The following LRMDA variants were observed in gnomAD, a reference collection of about 807,000 sequenced individuals.
The protein encoded by LRMDA is leucine-rich melanocyte differentiation-associated protein.
LRMDA carries 18 observed loss-of-function variants against 29.8 expected under a neutral mutation model. The ratio of observed to expected loss-of-function variants is 0.60; its 90% confidence interval spans 0.42 to 0.90. The LOEUF (loss-of-function observed/expected upper bound fraction) is 0.90, where lower values mean the gene tolerates loss of function less well. Ranked by LOEUF, LRMDA falls within the 40% of genes least tolerant of loss-of-function variation. The pLI, the probability that LRMDA is intolerant of heterozygous loss-of-function variation, is 0.00. For missense variants in LRMDA, 273 were observed against 273.9 expected (o/e 1.00, Z 0.02); for synonymous variants, 125 against 109.4 (o/e 1.14, Z -0.89).
chr10:75,619,230 G>A lies in LRMDA; in HGVS notation c.131+180736G>A, dbSNP rs375495719. Among the ~76,000 whole-genome samples, 24 of 152,308 alleles carry A rather than the reference G, an allele frequency of 1.6e-4. No individual in the cohort carries two copies. The East Asian group carries it at 4.4e-3, about 28-fold the overall frequency. On this transcript the variant is annotated intron_variant, in intron 2 of 6. Transcript: ENST00000611255. ...TGTTTCAGGGGTGGCAGAGGTGGAA[G>A]AAAATCCATGTACAAGTGGACCCAT...
At chr10:76,249,111 A>G (rs1175252744) in intron 5 of LRMDA, among the ~76,000 whole-genome samples, 2 of 152,184 alleles carry the variant, frequency 1.3e-5, no homozygotes, top group East Asian at 1.9e-4. Context: ...GTGAGAAAGA[A>G]TTATGTAGCA....
intron 2 of LRMDA, among the ~76,000 whole-genome samples, chr10:76,029,316 C>T (rs1053582494): frequency 6.6e-6 from 1 of 152,014 alleles, no homozygotes; most frequent in Non-Finnish European, 1.5e-5. Context: ...AATTAAAAAG[C>T]AGTATATAAA....
At chr10:76,219,377 G>A (rs941257868) in intron 5 of LRMDA, among the ~76,000 whole-genome samples, 11 of 152,054 alleles carry the variant, frequency 7.2e-5, no homozygotes, top group African/African-American at 1.9e-4. Context: ...CCCATCTCAC[G>A]TGCAGAGACA....
chr10:76,438,671 T>C (rs1272822050), intron 6 of LRMDA: 1 of 152,178 alleles, frequency 6.6e-6, no homozygotes, highest in Non-Finnish European at 1.5e-5. Context: ...CCTCTCACAG[T>C]GGTGTCAGTT....
intron 5 of LRMDA, among the ~76,000 whole-genome samples, chr10:76,279,612 C>T (rs1419007137): frequency 7.6e-6 from 1 of 131,380 alleles, no homozygotes; most frequent in African/African-American, 2.9e-5. Flanking sequence ...ATGGCACGAT[C>T]TTGGCTCACT....
intron 2 of LRMDA, among the ~76,000 whole-genome samples, chr10:75,592,084 A>G (rs557914500): frequency 6.6e-6 from 1 of 152,094 alleles, no homozygotes; most frequent in Non-Finnish European, 1.5e-5. Context: ...AGAAAAAGCA[A>G]CCCAGGCAGA....
At chr10:75,568,641 A>G (rs1343869464) in intron 2 of LRMDA, among the ~76,000 whole-genome samples, 1 of 152,170 alleles carries the variant, frequency 6.6e-6, no homozygotes, top group Non-Finnish European at 1.5e-5. Flanking sequence ...GGATCTGAAG[A>G]GGAGGGAGAA....
chr10:75,694,530 T>C (rs1842208175), intron 2 of LRMDA, among the ~76,000 whole-genome samples: 1 of 152,196 alleles, frequency 6.6e-6, no homozygotes, highest in Admixed American at 6.5e-5. Flanking sequence ...GAGCAGCATG[T>C]TGCCAACTTT....
chr10:76,411,087 C>T (rs2132508415), intron 6 of LRMDA, among the ~76,000 whole-genome samples: 1 of 152,240 alleles, frequency 6.6e-6, no homozygotes, highest in African/African-American at 2.4e-5. Flanking sequence ...TTTATTTCAC[C>T]ATCATAATAA....
At chr10:76,194,740 A>G (rs1000052532) in intron 5 of LRMDA, among the ~76,000 whole-genome samples, 5 of 152,218 alleles carry the variant, frequency 3.3e-5, no homozygotes, top group Non-Finnish European at 7.3e-5. Context: ...ACTTGGATGG[A>G]AAGTCCAATA....
At chr10:76,248,751 C>T (rs1852420861) in intron 5 of LRMDA, among the ~76,000 whole-genome samples, 1 of 152,138 alleles carries the variant, frequency 6.6e-6, no homozygotes, top group Non-Finnish European at 1.5e-5. Context: ...ACATCTCTAT[C>T]ACATCTGCCA....
chr10:75,589,937 T>C (rs1840702047), intron 2 of LRMDA, among the ~76,000 whole-genome samples: 1 of 152,082 alleles, frequency 6.6e-6, no homozygotes, highest in African/African-American at 2.4e-5. Context: ...GTTCACATTT[T>C]TGGTTATTCA....
intron 2 of LRMDA, among the ~76,000 whole-genome samples, chr10:75,946,209 C>T (rs1234799127): frequency 1.3e-5 from 2 of 152,222 alleles, no homozygotes; most frequent in African/African-American, 2.4e-5. Flanking sequence ...CAGACAGCTG[C>T]CTGGTGGACT....
At chr10:76,251,274 C>A in intron 5 of LRMDA, among the ~76,000 whole-genome samples, 1 of 107,624 alleles carries the variant, frequency 9.3e-6, no homozygotes, top group Non-Finnish European at 1.8e-5. Context: ...GAGACGGAGT[C>A]TCGCTCTGTC....
chr10:76,210,260 A>T (rs1402696634), intron 5 of LRMDA, among the ~76,000 whole-genome samples: 1 of 152,340 alleles, frequency 6.6e-6, no homozygotes, highest in South Asian at 2.1e-4. Context: ...CCCTGCTACT[A>T]CAACAAGCAG....
chr10:75,688,956 GCA>G (rs1275248850), intron 2 of LRMDA, among the ~76,000 whole-genome samples: 1 of 151,970 alleles, frequency 6.6e-6, no homozygotes, highest in Non-Finnish European at 1.5e-5. Flanking sequence ...TACTGTTATT[GCA>G]CACTTAATAG....
At chr10:76,415,817 G>A (rs1022089213) in intron 6 of LRMDA, among the ~76,000 whole-genome samples, 2 of 152,182 alleles carry the variant, frequency 1.3e-5, no homozygotes, top group Non-Finnish European at 2.9e-5. Context: ...CTGTGCGCAC[G>A]AGATGCACTG....
chr10:75,880,224 T>A (rs751915566), intron 2 of LRMDA, among the ~76,000 whole-genome samples: 44 of 152,198 alleles, frequency 2.9e-4, no homozygotes, highest in Non-Finnish European at 5.7e-4. Flanking sequence ...TTAATGTCAG[T>A]TTCTGAATGT....
chr10:75,652,940 G>C (rs1488133465), intron 2 of LRMDA, among the ~76,000 whole-genome samples: 1 of 152,188 alleles, frequency 6.6e-6, no homozygotes, highest in African/African-American at 2.4e-5. Context: ...TCCTCTGCTA[G>C]AGAAGTGGTG....
Sources: gnomAD v4.1 joint callset for allele counts (sites outside exome capture counted in the v4.1 genomes callset) on GRCh38, gnomAD v4.1.1 for gene constraint, MANE v1.5 for transcripts, NCBI Gene and HGNC (gene_info 2026-07-23, HGNC 2026-07-21) for gene names.